Variants in NYAP2 observed in about 807,000 individuals in gnomAD.
The protein encoded by NYAP2 is neuronal tyrosine-phosphorylated phosphoinositide-3-kinase adapter 2.
In NYAP2, 23 loss-of-function variants were observed where a neutral mutation model predicts 50.4. That is an observed-to-expected ratio of 0.46 (90% CI 0.33 to 0.65). The LOEUF (loss-of-function observed/expected upper bound fraction) is 0.65. Among genes scored for constraint, NYAP2 ranks in the 30% least tolerant of loss-of-function variants. The probability of loss-of-function intolerance (pLI) is 0.02; values close to 1 mark genes in which losing one functional copy is unlikely to be tolerated. For synonymous variants in NYAP2, 394 were observed against 365.2 expected, an observed-to-expected ratio of 1.08 and a Z score of -0.90; for missense variants, 885 against 861.0, an observed-to-expected ratio of 1.03 and a Z score of -0.35.
Position 225,508,836 on chromosome 2 carries a change from C to T in NYAP2, c.222-4535C>T, listed in dbSNP as rs74347839. Among the ~76,000 whole-genome samples the T allele has an allele frequency of 9.9e-3, 1,501 of 152,280 alleles. 31 individuals carry two copies. Among genetic ancestry groups the T allele is most frequent in the African/African-American group, 0.034 (1,433 of 41,552 alleles). On this transcript the variant is annotated intron_variant, in intron 3 of 6. Coordinates refer to ENST00000636099, the Ensembl canonical transcript of NYAP2. ...AAAATGCTGCACCAGATTTGGAAGA[C>T]GGCAGCTGGCAGCTGACTGCTATCC...
chr2:225,613,859 A>G (rs1692940835), intron 5 of NYAP2, among the ~76,000 whole-genome samples: 1 of 152,208 alleles, frequency 6.6e-6, no homozygotes, highest in Non-Finnish European at 1.5e-5. Context: ...ATTAAATTAA[A>G]CTATATGTAG....
intron 5 of NYAP2, among the ~76,000 whole-genome samples, chr2:225,624,666 G>A (rs915860778): frequency 1.2e-4 from 18 of 152,126 alleles, no homozygotes; most frequent in African/African-American, 3.9e-4. Flanking sequence ...ATTATCTAAT[G>A]TAGAAAAATT....
chr2:225,412,520 G>A (rs1164092590), intron 3 of NYAP2, among the ~76,000 whole-genome samples: 2 of 151,750 alleles, frequency 1.3e-5, no homozygotes, highest in African/African-American at 2.4e-5. Context: ...ATGAATGAAT[G>A]AAAGACTAAA....
intron 5 of NYAP2, among the ~76,000 whole-genome samples, chr2:225,588,126 A>T (rs1692420399): frequency 6.6e-6 from 1 of 152,022 alleles, no homozygotes; most frequent in African/African-American, 2.4e-5. Context: ...GCGTTTCACC[A>T]TGTTGGCCAG....
chr2:225,628,581 C>T (rs1693254147), intron 6 of NYAP2, among the ~76,000 whole-genome samples: 1 of 152,018 alleles, frequency 6.6e-6, no homozygotes, highest in Non-Finnish European at 1.5e-5. Context: ...CCTCAGCCTT[C>T]CAAAGTGCTA....
chr2:225,451,422 C>G (rs1183331421), intron 3 of NYAP2, among the ~76,000 whole-genome samples: 1 of 151,986 alleles, frequency 6.6e-6, no homozygotes, highest in Non-Finnish European at 1.5e-5. Context: ...AATTTCATTG[C>G]AGCTAAAAAA....
At chr2:225,677,023 T>G in the NYAP2 span, among the ~76,000 whole-genome samples, 3 of 152,336 alleles carry the variant, frequency 2.0e-5, no homozygotes, top group East Asian at 5.8e-4. Context: ...CTATACAGAT[T>G]CTTCCAACCC....
At position 225,438,143 on chromosome 2, in the gene NYAP2, C is replaced by T. The variant is rs375010277; in HGVS notation, c.221+29042C>T. Among the ~76,000 whole-genome samples the T allele has an allele frequency of 1.3e-3, 192 of 152,216 alleles. 4 individuals carry two copies. In the South Asian group the frequency reaches 0.028, roughly 23 times the overall value. On this transcript the variant is annotated intron_variant, in intron 3 of 6. Transcript: ENST00000636099. ...GCAAGTTTCATGTCTTATCTTATGT[C>T]TCTTGGATACTTTATTCTGCTCTGC...
At chr2:225,623,491 T>C (rs1430239429) in intron 5 of NYAP2, among the ~76,000 whole-genome samples, 1 of 152,172 alleles carries the variant, frequency 6.6e-6, no homozygotes, top group Non-Finnish European at 1.5e-5. Context: ...GATATTTCTT[T>C]TTTTTTTATG....
rs76472807 is a variant in NYAP2, at chr2:225,576,283, C to T, written c.524-5658C>T. 6.5e-3 allele frequency among the ~76,000 whole-genome samples: 988 copies of T among 152,292 alleles called. 14 individuals are homozygous for T. The highest frequency in any genetic ancestry group is 0.023 in the African/African-American group (939 of 41,554). On this transcript the variant is annotated intron_variant, in intron 4 of 6. Transcript: ENST00000636099. ...CATCTGAGTTCTCTACTTTCACTGT[C>T]GCCAGATCCAGGACTGTAACACAGG... is the stretch of plus-strand genomic sequence containing the variant.
intron 5 of NYAP2, among the ~76,000 whole-genome samples, chr2:225,623,967 A>T (rs1484923558): frequency 2.6e-5 from 4 of 152,242 alleles, no homozygotes; most frequent in Non-Finnish European, 5.9e-5. Flanking sequence ...ATGCATTTTT[A>T]AAATACAATA....
At chr2:225,524,080 G>A (rs923418982) in intron 4 of NYAP2, among the ~76,000 whole-genome samples, 4 of 152,148 alleles carry the variant, frequency 2.6e-5, no homozygotes, top group African/African-American at 9.7e-5. Context: ...ATGATGGGGA[G>A]TTTATTAAGG....
At chr2:225,473,291 C>A (rs917137282) in intron 3 of NYAP2, among the ~76,000 whole-genome samples, 15 of 152,100 alleles carry the variant, frequency 9.9e-5, no homozygotes, top group Non-Finnish European at 2.2e-4. Flanking sequence ...GTCTTTATAG[C>A]AGCATGATTT....
chr2:225,634,536 G>T (rs991155104), intron 6 of NYAP2, among the ~76,000 whole-genome samples: 1 of 151,824 alleles, frequency 6.6e-6, no homozygotes, highest in Non-Finnish European at 1.5e-5. Context: ...AAACAGATGT[G>T]GATTTAATTT....
chr2:225,527,972 G>A (rs1382403214), intron 4 of NYAP2, among the ~76,000 whole-genome samples: 1 of 152,128 alleles, frequency 6.6e-6, no homozygotes, highest in East Asian at 1.9e-4. Context: ...TTAACTCAGA[G>A]TCAACCTAGT....
chr2:225,581,112 A>T (rs1452998233), intron 4 of NYAP2, among the ~76,000 whole-genome samples: 1 of 152,226 alleles, frequency 6.6e-6, no homozygotes, highest in East Asian at 1.9e-4. Flanking sequence ...CAGGCTGTGC[A>T]ATACGTTGGT....
chr2:225,495,613 T>G (rs1313829252), intron 3 of NYAP2, among the ~76,000 whole-genome samples: 1 of 152,146 alleles, frequency 6.6e-6, no homozygotes, highest in African/African-American at 2.4e-5. Context: ...GACAGACAGG[T>G]CTTCAGTAGT....
intron 3 of NYAP2, among the ~76,000 whole-genome samples, chr2:225,491,973 G>A (rs1056234426): frequency 7.2e-5 from 11 of 152,198 alleles, no homozygotes; most frequent in Non-Finnish European, 1.3e-4. Context: ...ATGATGAACA[G>A]GTATAGAAGA....
rs1429976399 is a variant in NYAP2 at position 225,582,313 on chromosome 2, C to T, written c.896C>T (p.Pro299Leu). 14 of 1,613,882 alleles carry T rather than the reference C, an allele frequency of 8.7e-6. No homozygotes were observed. The highest frequency in any genetic ancestry group is 1.1e-5 in the Non-Finnish European group (13 of 1,179,888). ...AGCTGTTCTTCGCAGTGTGCTACTC[C>T]CACGGTGCCTGACTTGGACTTCGCC... Residue 299 changes from proline to leucine, a missense_variant, in exon 5 of 7, where the codon CCC (proline) becomes CTC (leucine). By Grantham distance (98) the Pro-to-Leu change is moderately conservative. Transcript: ENST00000636099. The surrounding 1 kb of genome is among the most constrained non-coding windows in gnomAD (Gnocchi z 7.0).
Sources: gnomAD v4.1 joint callset for allele counts (sites outside exome capture counted in the v4.1 genomes callset) on GRCh38, gnomAD v4.1.1 for gene constraint, Gnocchi (gnomAD v3.1) non-coding constraint, MANE v1.5 for transcripts, NCBI Gene and HGNC (gene_info 2026-07-23, HGNC 2026-07-21) for gene names.